Variants in TYR observed in about 807,000 individuals in gnomAD.
TYR encodes the protein LB24-AB.
TYR carries 58 observed loss-of-function variants against 51.5 expected under a neutral mutation model. The observed-to-expected ratio is 1.13, with a 90% CI of 0.91 to 1.40. The LOEUF (loss-of-function observed/expected upper bound fraction) is 1.40. TYR is among the 40% of genes most tolerant of loss of function. TYR has a pLI of 0.00. For missense variants in TYR, 732 were observed against 647.4 expected (o/e 1.13, Z -1.42); for synonymous variants, 263 against 235.2 (o/e 1.12, Z -1.08).
At chr11:89,277,329 C>T (rs559842665) in intron 3 of TYR, among the ~76,000 whole-genome samples, 27 of 151,828 alleles carry the variant, frequency 1.8e-4, no homozygotes, top group African/African-American at 5.8e-4. Flanking sequence ...ACTAGAAATT[C>T]GTGTGGCTGG....
At chr11:89,244,463 C>T (rs1944239126) in intron 3 of TYR, among the ~76,000 whole-genome samples, 2 of 152,210 alleles carry the variant, frequency 1.3e-5, no homozygotes, top group African/African-American at 4.8e-5. Context: ...TGCAAGTCTT[C>T]AAATTCTCCT....
chr11:89,289,695 C>G (rs1381060516), intron 4 of TYR, among the ~76,000 whole-genome samples: 1 of 151,862 alleles, frequency 6.6e-6, no homozygotes, highest in Non-Finnish European at 1.5e-5. Context: ...ATAATACTTG[C>G]TCTTGAGAGT....
At chr11:89,248,388 A>G (rs1590877243) in intron 3 of TYR, among the ~76,000 whole-genome samples, 1 of 152,154 alleles carries the variant, frequency 6.6e-6, no homozygotes, top group African/African-American at 2.4e-5. Flanking sequence ...TAGGCTACCT[A>G]TAGCTGGCTT....
At chr11:89,237,388 A>T (rs145943488) in intron 3 of TYR, among the ~76,000 whole-genome samples, 1 of 152,114 alleles carries the variant, frequency 6.6e-6, no homozygotes, top group African/African-American at 2.4e-5. Flanking sequence ...ATATGGTGTG[A>T]GATAAGTGTC....
chr11:89,190,223 C>A (rs193166166), intron 1 of TYR, among the ~76,000 whole-genome samples: 1 of 152,088 alleles, frequency 6.6e-6, no homozygotes, highest in Non-Finnish European at 1.5e-5. Flanking sequence ...CTCAGGCAGG[C>A]TCTCCAGGAG....
chr11:89,250,425 T>C (rs1944316966), intron 3 of TYR, among the ~76,000 whole-genome samples: 1 of 152,020 alleles, frequency 6.6e-6, no homozygotes, highest in Admixed American at 6.6e-5. Flanking sequence ...CCCTGTGTTT[T>C]GATTCTGTCA....
At chr11:89,280,494 G>A (rs1171583623) in intron 3 of TYR, among the ~76,000 whole-genome samples, 2 of 150,532 alleles carry the variant, frequency 1.3e-5, no homozygotes, top group South Asian at 2.1e-4. Flanking sequence ...TTTTCTTAGG[G>A]TTTCCGTCTT....
chr11:89,200,548 T>A (rs1372506729), intron 2 of TYR: 1 of 143,956 alleles, frequency 6.9e-6, no homozygotes, highest in Non-Finnish European at 1.5e-5. Flanking sequence ...TATTTATGAC[T>A]ACTTCTCATT....
intron 1 of TYR, among the ~76,000 whole-genome samples, chr11:89,182,900 G>A (rs1460385030): frequency 6.6e-6 from 1 of 152,048 alleles, no homozygotes; most frequent in Non-Finnish European, 1.5e-5. Context: ...TGATACACAT[G>A]AGTGAATTGT....
chr11:89,272,303 G>A (rs1388533627), intron 3 of TYR, among the ~76,000 whole-genome samples: 2 of 151,846 alleles, frequency 1.3e-5, no homozygotes, highest in African/African-American at 4.8e-5. Flanking sequence ...TGTTGTGTAG[G>A]CAGGAATGAA....
chr11:89,240,664 A>C (rs945019188), intron 3 of TYR, among the ~76,000 whole-genome samples: 17 of 152,140 alleles, frequency 1.1e-4, no homozygotes, highest in African/African-American at 3.9e-4. Context: ...CAGTAGTACT[A>C]TCTGTAAAAA....
chr11:89,247,146 G>T (rs553657331), intron 3 of TYR, among the ~76,000 whole-genome samples: 1 of 152,162 alleles, frequency 6.6e-6, no homozygotes, highest in East Asian at 1.9e-4. Context: ...TTTTCTTTTT[G>T]ATGTTATTGT....
chr11:89,220,830 C>A (rs976433517), intron 2 of TYR, among the ~76,000 whole-genome samples: 8 of 152,040 alleles, frequency 5.3e-5, no homozygotes, highest in African/African-American at 1.9e-4. Flanking sequence ...TCTATAAAAA[C>A]TTAAGGAAAT....
intron 2 of TYR, among the ~76,000 whole-genome samples, chr11:89,214,642 A>T (rs928040793): frequency 5.3e-5 from 8 of 152,236 alleles, no homozygotes; most frequent in Non-Finnish European, 1.2e-4. Context: ...AATGTCCATC[A>T]ATAATGGACA....
At chr11:89,239,729 G>A (rs931590640) in intron 3 of TYR, among the ~76,000 whole-genome samples, 7 of 151,946 alleles carry the variant, frequency 4.6e-5, no homozygotes, top group East Asian at 1.9e-4. Context: ...ATAAGTTTTA[G>A]TAGTTTGTGT....
chr11:89,258,146 G>C (rs950462462), intron 3 of TYR, among the ~76,000 whole-genome samples: 19 of 151,944 alleles, frequency 1.3e-4, no homozygotes, highest in African/African-American at 4.6e-4. Flanking sequence ...GATTGCTATG[G>C]TGAAAGGCGG....
chr11:89,283,001 T>A (rs1295918855), intron 3 of TYR, among the ~76,000 whole-genome samples: 3 of 151,828 alleles, frequency 2.0e-5, no homozygotes, highest in Admixed American at 1.3e-4. Context: ...ATAAATATAA[T>A]TCCCATTTTG....
chr11:89,187,182 AG>A (rs1013121824), intron 1 of TYR, among the ~76,000 whole-genome samples: 6 of 152,130 alleles, frequency 3.9e-5, no homozygotes, highest in Admixed American at 1.3e-4. Flanking sequence ...AGATTGAGAA[AG>A]TGAATATTGA....
At chr11:89,249,095 G>T (rs1356541074) in intron 3 of TYR, among the ~76,000 whole-genome samples, 1 of 151,950 alleles carries the variant, frequency 6.6e-6, no homozygotes, top group Admixed American at 6.6e-5. Flanking sequence ...GGTCTTTTTA[G>T]GATAGGGCAA....
Sources: gnomAD v4.1 joint callset for allele counts (sites outside exome capture counted in the v4.1 genomes callset) on GRCh38, gnomAD v4.1.1 for gene constraint, MANE v1.5 for transcripts, NCBI Gene and HGNC (gene_info 2026-07-23, HGNC 2026-07-21) for gene names.